NCAM2: variants seen among roughly 807,000 people sequenced by gnomAD.
NCAM2 encodes neural cell adhesion molecule 2.
A neutral mutation model predicts 98.1 loss-of-function variants in NCAM2; 30 were observed. The ratio of observed to expected loss-of-function variants is 0.31; its 90% CI spans 0.23 to 0.41. The LOEUF (loss-of-function observed/expected upper bound fraction) is 0.41, where lower values mean the gene tolerates loss of function less well. Ranked by LOEUF, NCAM2 falls within the 10% of genes least tolerant of loss-of-function variation. The pLI, the probability that NCAM2 is intolerant of heterozygous loss-of-function variation, is 1.00. For missense variants in NCAM2, 867 were observed against 1,005.8 expected (o/e 0.86, Z 1.87); for synonymous variants, 368 against 342.4 (o/e 1.07, Z -0.83).
At chr21:21,257,566 G>A (rs2071721530) in intron 1 of NCAM2, among the ~76,000 whole-genome samples, 1 of 152,112 alleles carries the variant, frequency 6.6e-6, no homozygotes, top group Non-Finnish European at 1.5e-5. Context: ...GTACAAGAAA[G>A]ACCATGCAAT....
In NCAM2 at chr21:20,998,459, G is replaced by A. The variant is rs988730387; in HGVS notation, c.-105G>A. ...TGCGGGCGGCTGGGGCACCGCGGGAGCGGCGGCGGCGGCTCTAGCAGAGGC... is the reference window on the plus strand; with the variant it reads ...TGCGGGCGGCTGGGGCACCGCGGGAACGGCGGCGGCGGCTCTAGCAGAGGC... On this transcript the variant is annotated 5_prime_UTR_variant, in exon 1 of 18. Coordinates refer to ENST00000400546, the MANE Select transcript of NCAM2 (RefSeq NM_004540.5). 1.0e-5 allele frequency: 11 copies of A among 1,063,626 alleles called. No homozygotes were observed. Among genetic ancestry groups the A allele is most frequent in the Non-Finnish European group, 1.5e-5 (11 of 750,370 alleles). The allele number at this position is 1,063,626 out of a possible 1,614,324, so 65.9% of individuals were successfully genotyped here.
intron 4 of NCAM2, among the ~76,000 whole-genome samples, chr21:21,290,414 G>A (rs947807049): frequency 1.3e-5 from 2 of 151,726 alleles, no homozygotes; most frequent in African/African-American, 4.8e-5. Flanking sequence ...GGAGTTTCTG[G>A]TTATTTCAGG....
intron 12 of NCAM2, among the ~76,000 whole-genome samples, chr21:21,450,614 G>C (rs1980891113): frequency 6.6e-6 from 1 of 152,034 alleles, no homozygotes; most frequent in Non-Finnish European, 1.5e-5. Context: ...ATAGGCATGA[G>C]CCACTGTGCC....
rs566255656 is a variant in NCAM2 at position 21,041,359 on chromosome 21, TG to T, written c.55+42742del. On this transcript the variant is annotated intron_variant, in intron 1 of 17. Coordinates refer to ENST00000400546, the MANE Select transcript of NCAM2 (RefSeq NM_004540.5). ...CAACAGAATTTTTTCACTCATTAAT[TG>T]TATAAGTAGCTGATTTTAAATAAAG... Among the ~76,000 whole-genome samples the T allele has an allele frequency of 1.1e-3, 167 of 152,322 alleles. 2 individuals are homozygous for T. Among genetic ancestry groups the T allele is most frequent in the Admixed American group, 0.011 (165 of 15,300 alleles).
At chr21:21,348,190 A>G (rs575971990) in intron 8 of NCAM2, among the ~76,000 whole-genome samples, 7 of 152,268 alleles carry the variant, frequency 4.6e-5, no homozygotes, top group African/African-American at 1.2e-4. Flanking sequence ...TTTTTAGATG[A>G]CATGGTCATA....
chr21:21,503,584 G>C (rs1020819230), intron 15 of NCAM2, among the ~76,000 whole-genome samples: 1 of 151,918 alleles, frequency 6.6e-6, no homozygotes, highest in Non-Finnish European at 1.5e-5. Context: ...GACCACAGTT[G>C]ACTATAGATA....
intron 1 of NCAM2, among the ~76,000 whole-genome samples, chr21:21,220,270 T>C (rs2070090753): frequency 6.6e-6 from 1 of 152,226 alleles, no homozygotes; most frequent in Admixed American, 6.5e-5. Context: ...CTGCAAGTTC[T>C]ATTCATGGTA....
chr21:21,271,759 A>T (rs930848162), intron 1 of NCAM2, among the ~76,000 whole-genome samples: 1 of 152,180 alleles, frequency 6.6e-6, no homozygotes, highest in Non-Finnish European at 1.5e-5. Flanking sequence ...GTAATAAAAA[A>T]GTGGGGCCTT....
At chr21:21,064,427 A>G (rs1049557502) in intron 1 of NCAM2, among the ~76,000 whole-genome samples, 18 of 152,200 alleles carry the variant, frequency 1.2e-4, no homozygotes, top group African/African-American at 4.3e-4. Flanking sequence ...CACATAACTC[A>G]TTAAGAATTG....
intron 9 of NCAM2, among the ~76,000 whole-genome samples, chr21:21,403,327 T>C (rs1176505795): frequency 2.0e-5 from 3 of 152,166 alleles, no homozygotes; most frequent in African/African-American, 7.2e-5. Context: ...TACTTTTGCA[T>C]CTGCCTCATC....
At chr21:21,361,526 A>C (rs937240051) in intron 8 of NCAM2, among the ~76,000 whole-genome samples, 5 of 151,968 alleles carry the variant, frequency 3.3e-5, no homozygotes, top group African/African-American at 1.2e-4. Flanking sequence ...TCTAATTGAC[A>C]TCTAAATAAT....
At chr21:21,019,513 A>T (rs1191945932) in intron 1 of NCAM2, among the ~76,000 whole-genome samples, 1 of 152,200 alleles carries the variant, frequency 6.6e-6, no homozygotes, top group African/African-American at 2.4e-5. Context: ...AAAGAATATT[A>T]AGAGTGTTCC....
chr21:21,523,271 A>G (rs1989134160), intron 16 of NCAM2, among the ~76,000 whole-genome samples: 1 of 152,024 alleles, frequency 6.6e-6, no homozygotes, highest in Non-Finnish European at 1.5e-5. Context: ...GCCCAGACCA[A>G]TGTCCTGAAG....
intron 1 of NCAM2, among the ~76,000 whole-genome samples, chr21:21,078,629 G>A (rs1367424409): frequency 1.3e-5 from 2 of 152,152 alleles, no homozygotes; most frequent in African/African-American, 4.8e-5. Context: ...ACAGTGTGGT[G>A]ATTCCTCTGG....
chr21:21,535,697 T>C (rs1431959063), intron 17 of NCAM2, among the ~76,000 whole-genome samples: 4 of 152,132 alleles, frequency 2.6e-5, no homozygotes, highest in Non-Finnish European at 2.9e-5. Context: ...AGATGTGGGT[T>C]CTACATTCTT....
intron 1 of NCAM2, among the ~76,000 whole-genome samples, chr21:21,079,556 T>G (rs2146397204): frequency 6.6e-6 from 1 of 152,338 alleles, no homozygotes; most frequent in South Asian, 2.1e-4. Flanking sequence ...AAATTCTGTT[T>G]TAGTGAAAAT....
intron 15 of NCAM2, among the ~76,000 whole-genome samples, chr21:21,495,594 G>T (rs941052865): frequency 6.6e-6 from 1 of 151,868 alleles, no homozygotes; most frequent in Non-Finnish European, 1.5e-5. Flanking sequence ...CTATTTATTT[G>T]TTACTGAATT....
intron 2 of NCAM2, among the ~76,000 whole-genome samples, chr21:21,281,393 A>AT (rs2072924495): frequency 6.6e-6 from 1 of 152,116 alleles, no homozygotes; most frequent in Non-Finnish European, 1.5e-5. Context: ...ATTAGGCCAA[A>AT]AATTTATTCT....
intron 12 of NCAM2, among the ~76,000 whole-genome samples, chr21:21,438,846 G>T (rs1413952754): frequency 1.3e-5 from 2 of 152,010 alleles, no homozygotes; most frequent in Non-Finnish European, 2.9e-5. Flanking sequence ...ATTTTGGGAA[G>T]GTACGGAGGG....
Sources: gnomAD v4.1 joint callset for allele counts (sites outside exome capture counted in the v4.1 genomes callset) on GRCh38, gnomAD v4.1.1 for gene constraint, MANE v1.5 for transcripts, NCBI Gene and HGNC (gene_info 2026-07-23, HGNC 2026-07-21) for gene names.